The following LINGO2 variants were observed in gnomAD, a reference collection of about 807,000 sequenced individuals.
LINGO2 encodes the protein leucine rich repeat and Ig domain containing 2.
Under a neutral mutation model 30.6 loss-of-function variants are expected in LINGO2, and 14 were observed. That is an observed-to-expected ratio of 0.46 (90% CI 0.30 to 0.72). The LOEUF (loss-of-function observed/expected upper bound fraction) is 0.72, where lower values mean the gene tolerates loss of function less well. Among genes scored for constraint, LINGO2 ranks in the 30% least tolerant of loss-of-function variants. The pLI, the probability that LINGO2 is intolerant of heterozygous loss-of-function variation, is 0.07. For synonymous variants in LINGO2, 317 were observed against 288.5 expected (o/e 1.10, Z -1.00); for missense variants, 729 against 751.7 (o/e 0.97, Z 0.35).
intron 4 of LINGO2, among the ~76,000 whole-genome samples, chr9:28,059,216 T>C (rs1475396443): frequency 6.6e-6 from 1 of 152,062 alleles, no homozygotes; most frequent in Non-Finnish European, 1.5e-5. Context: ...TTATAAATGC[T>C]AAACCGTCAC....
chr9:29,040,262 G>T, the LINGO2 span, among the ~76,000 whole-genome samples: 1 of 151,914 alleles, frequency 6.6e-6, no homozygotes, highest in African/African-American at 2.4e-5. Context: ...AATTGCCATG[G>T]AATTTTGTAG....
At position 28,035,005 on chromosome 9, in the gene LINGO2, C is replaced by T. The variant is rs373606424; in HGVS notation, c.-86-22600G>A. ...TATCACTGTGTCTTTCTCCATTCCA[C>T]AGCTCTTGCAAACCACAGAACTCAA... On this transcript the variant is annotated intron_variant, in intron 4 of 5. Transcript: ENST00000379992. Among the ~76,000 whole-genome samples, 19 of 152,332 alleles carry T rather than the reference C, an allele frequency of 1.2e-4. No homozygotes were observed. The East Asian group carries it at 3.3e-3, about 26-fold the overall frequency.
Position 28,141,480 on chromosome 9 carries a change from C to T in LINGO2, c.-86-129075G>A, listed in dbSNP as rs1827670275. 2.0e-5 allele frequency among the ~76,000 whole-genome samples: 3 copies of T among 152,184 alleles called. 1 individual carries two copies. The South Asian group carries it at 6.2e-4, about 31-fold the overall frequency. ...TTTACCTAAAACCATAATAGCACCTCATTGCTTATACCCAATAATTTAAGG... is the reference window on the plus strand; with the variant it reads ...TTTACCTAAAACCATAATAGCACCTTATTGCTTATACCCAATAATTTAAGG... On this transcript the variant is annotated intron_variant, in intron 4 of 5. Transcript: ENST00000379992.
At chr9:28,530,508 T>A (rs1024990166) in intron 1 of LINGO2, among the ~76,000 whole-genome samples, 1 of 152,162 alleles carries the variant, frequency 6.6e-6, no homozygotes, top group African/African-American at 2.4e-5. Flanking sequence ...AACGGCCCCA[T>A]GCACAGGTTG....
rs1343875067 is a variant in LINGO2, at chr9:28,359,432, T to C, written c.-246+13404A>G. Among the ~76,000 whole-genome samples the C allele has an allele frequency of 2.6e-5, 4 of 152,118 alleles. No individual in the cohort carries two copies. In the East Asian group the frequency reaches 7.7e-4, roughly 29 times the overall value. ...AAAGAAAACATTGGTCCCAGAGTAA[T>C]ACCATTTCCTGTCCCCACACACACC... On this transcript the variant is annotated intron_variant, in intron 3 of 5. Coordinates refer to ENST00000379992, the Ensembl canonical transcript of LINGO2.
chr9:28,702,131 A>G, the LINGO2 span, among the ~76,000 whole-genome samples: 1 of 151,816 alleles, frequency 6.6e-6, no homozygotes, highest in African/African-American at 2.4e-5. Flanking sequence ...ATCTTGTTGT[A>G]TTAGCTAGGA....
At chr9:28,297,047 A>G (rs1823948873) in intron 3 of LINGO2, among the ~76,000 whole-genome samples, 1 of 152,178 alleles carries the variant, frequency 6.6e-6, no homozygotes, top group Admixed American at 6.5e-5. Flanking sequence ...GCCGTATACT[A>G]GTGGACCAGA....
intron 2 of LINGO2, among the ~76,000 whole-genome samples, chr9:28,466,176 C>A (rs1825292749): frequency 6.6e-6 from 1 of 152,172 alleles, no homozygotes; most frequent in Non-Finnish European, 1.5e-5. Context: ...ATGTTTATTG[C>A]AGCACTGTTC....
At chr9:28,911,680 T>C in the LINGO2 span, among the ~76,000 whole-genome samples, 1 of 152,098 alleles carries the variant, frequency 6.6e-6, no homozygotes, top group Admixed American at 6.6e-5. Context: ...CTAGAGAATA[T>C]TCAACTCCAC....
the LINGO2 span, among the ~76,000 whole-genome samples, chr9:29,132,732 T>C: frequency 6.6e-6 from 1 of 152,180 alleles, no homozygotes; most frequent in African/African-American, 2.4e-5. Flanking sequence ...GGAAAACTTG[T>C]AGTCAAGACA....
At chr9:27,999,548 T>C (rs973608591) in intron 5 of LINGO2, among the ~76,000 whole-genome samples, 4 of 151,926 alleles carry the variant, frequency 2.6e-5, no homozygotes, top group African/African-American at 9.7e-5. Context: ...AGGATACTCA[T>C]TGGGCTTTTC....
chr9:28,436,928 G>A (rs773215436), intron 2 of LINGO2, among the ~76,000 whole-genome samples: 27 of 152,190 alleles, frequency 1.8e-4, no homozygotes, highest in Non-Finnish European at 3.1e-4. Context: ...AGGGTCATAT[G>A]ATACGAGCTG....
chr9:28,366,856 A>T (rs1400780538), intron 3 of LINGO2, among the ~76,000 whole-genome samples: 1 of 152,248 alleles, frequency 6.6e-6, no homozygotes, highest in Admixed American at 6.5e-5. Context: ...CTAATAGGAA[A>T]ACATAGTAAT....
At chr9:28,356,166 C>T (rs952002151) in intron 3 of LINGO2, among the ~76,000 whole-genome samples, 1 of 152,282 alleles carries the variant, frequency 6.6e-6, no homozygotes, top group Admixed American at 6.5e-5. Context: ...AAGATATTTG[C>T]TTCTGGCTAT....
At chr9:28,642,151 C>T (rs143478585) in intron 1 of LINGO2, among the ~76,000 whole-genome samples, 2 of 151,310 alleles carry the variant, frequency 1.3e-5, no homozygotes, top group East Asian at 3.9e-4. Context: ...TATGTGAACA[C>T]ATATTAAATA....
intron 4 of LINGO2, among the ~76,000 whole-genome samples, chr9:28,075,640 T>C (rs989715748): frequency 3.3e-5 from 5 of 152,012 alleles, no homozygotes; most frequent in Admixed American, 1.3e-4. Flanking sequence ...AATTTGTATA[T>C]CCTAGATTGA....
At chr9:28,042,747 T>G (rs1188663893) in intron 4 of LINGO2, among the ~76,000 whole-genome samples, 1 of 152,200 alleles carries the variant, frequency 6.6e-6, no homozygotes, top group Non-Finnish European at 1.5e-5. Context: ...CAATATCATC[T>G]TATATTCTTT....
intron 1 of LINGO2, among the ~76,000 whole-genome samples, chr9:28,591,491 C>T (rs552765002): frequency 6.6e-6 from 1 of 151,928 alleles, no homozygotes; most frequent in African/African-American, 2.4e-5. Context: ...TATTTCTGCC[C>T]TCCTGTCTTC....
chr9:28,678,155 A>AC, the LINGO2 span, among the ~76,000 whole-genome samples: 1 of 151,368 alleles, frequency 6.6e-6, no homozygotes, highest in East Asian at 1.9e-4. Context: ...AAAAAAAAAA[A>AC]AAAACTTTAT....
Sources: gnomAD v4.1 joint callset for allele counts (sites outside exome capture counted in the v4.1 genomes callset) on GRCh38, gnomAD v4.1.1 for gene constraint, MANE v1.5 for transcripts, NCBI Gene and HGNC (gene_info 2026-07-23, HGNC 2026-07-21) for gene names.